Variants in PNKD observed in about 807,000 individuals in gnomAD.
PNKD encodes probable thioesterase PNKD.
In PNKD, 36 loss-of-function variants were observed where a neutral mutation model predicts 45.3. The observed-to-expected ratio is 0.80, with a 90% CI of 0.61 to 1.05. The LOEUF is 1.05. PNKD is among the 50% of genes least tolerant of loss of function. The pLI, the probability that PNKD is intolerant of heterozygous loss-of-function variation, is 0.00. For synonymous variants in PNKD, 197 were observed against 210.1 expected, an observed-to-expected ratio of 0.94 and a Z score of 0.54; for missense variants, 511 against 506.6, an observed-to-expected ratio of 1.01 and a Z score of -0.08.
intron 8 of PNKD, among the ~76,000 whole-genome samples, chr2:218,344,219 G>A (rs541993426): frequency 1.3e-5 from 2 of 152,306 alleles, no homozygotes; most frequent in South Asian, 2.1e-4. Context: ...ATGCAGGCCT[G>A]CCAGCTCCAG....
At chr2:218,282,351 C>G (rs1292813366) in intron 2 of PNKD, 3 of 487,320 alleles carry the variant, frequency 6.2e-6, no homozygotes, top group Non-Finnish European at 1.1e-5. Flanking sequence ...TCCCCACCAA[C>G]TGGGCTCCTG....
At chr2:218,277,408 C>T (rs1028395939) in intron 2 of PNKD, 15 of 1,614,012 alleles carry the variant, frequency 9.3e-6, no homozygotes, top group Non-Finnish European at 1.1e-5. Context: ...TGGATACCAC[C>T]GCAGTGATGA....
intron 2 of PNKD, chr2:218,282,235 G>A (rs1692097900): frequency 4.8e-6 from 5 of 1,047,462 alleles, no homozygotes; most frequent in Non-Finnish European, 6.6e-6. Flanking sequence ...AGCTCACTCA[G>A]CCTCATGGGC....
intron 2 of PNKD, among the ~76,000 whole-genome samples, chr2:218,273,662 T>G (rs890399145): frequency 2.7e-5 from 4 of 148,234 alleles, no homozygotes; most frequent in African/African-American, 9.9e-5. Context: ...TTTTTTTTTT[T>G]GTACTTTTAG....
chr2:218,344,346 T>A, intron 8 of PNKD, 109 bp from the exon 9 acceptor site: 1 of 786,066 alleles, frequency 1.3e-6, no homozygotes. Context: ...GCTGACCTCA[T>A]CCCTAGTTGT....
At chr2:218,304,890 C>A (rs1253270296) in intron 2 of PNKD, among the ~76,000 whole-genome samples, 1 of 152,052 alleles carries the variant, frequency 6.6e-6, no homozygotes, top group African/African-American at 2.4e-5. Context: ...GCCTGGCCAA[C>A]ATGGTGAAAC....
chr2:218,290,858 C>A (rs1424246299), intron 2 of PNKD, among the ~76,000 whole-genome samples: 1 of 152,240 alleles, frequency 6.6e-6, no homozygotes, highest in African/African-American at 2.4e-5. Context: ...GTGTCCCCAA[C>A]AGAATAGGTC....
chr2:218,300,609 G>A lies in PNKD; in HGVS notation c.236+29060G>A, dbSNP rs554442319. 4.5e-3 allele frequency among the ~76,000 whole-genome samples: 673 copies of A among 150,390 alleles called. 7 individuals carry two copies. Among genetic ancestry groups the A allele is most frequent in the African/African-American group, 0.015 (626 of 40,888 alleles). On this transcript the variant is annotated intron_variant, in intron 2 of 9. Coordinates refer to ENST00000273077, the MANE Select transcript of PNKD (RefSeq NM_015488.5). Reference sequence around the variant, plus strand: ...TGCCCAGGCTGGAGTGCAGTGGTGCGATCTCAGCTCACTGCAACCTCCGTC... The same window carrying A: ...TGCCCAGGCTGGAGTGCAGTGGTGCAATCTCAGCTCACTGCAACCTCCGTC...
At chr2:218,320,689 T>G (rs1404340897) in intron 2 of PNKD, among the ~76,000 whole-genome samples, 1 of 152,190 alleles carries the variant, frequency 6.6e-6, no homozygotes, top group Non-Finnish European at 1.5e-5. Flanking sequence ...CACACCCAAT[T>G]TGAGTCTTTG....
chr2:218,323,444 G>A, intron 2 of PNKD: 1 of 1,545,678 alleles, frequency 6.5e-7, no homozygotes, highest in Non-Finnish European at 8.7e-7. Flanking sequence ...TAGTGCCCGG[G>A]CTCCGAAGCG....
chr2:218,323,269 T>C (rs776565425), intron 2 of PNKD: 4 of 1,520,408 alleles, frequency 2.6e-6, no homozygotes, highest in Non-Finnish European at 3.5e-6. Context: ...GCCCCCAGCA[T>C]GGCTTGGCAG....
intron 2 of PNKD, chr2:218,280,151 A>C (rs753001901): frequency 6.4e-7 from 1 of 1,562,830 alleles, no homozygotes; most frequent in Non-Finnish European, 8.8e-7. Flanking sequence ...CACTTGACTC[A>C]GCTGGGGACC....
At chr2:218,292,763 A>AC (rs1160575727) in intron 2 of PNKD, among the ~76,000 whole-genome samples, 3 of 152,174 alleles carry the variant, frequency 2.0e-5, no homozygotes, top group South Asian at 4.1e-4. Flanking sequence ...ATTTCTCTCC[A>AC]CCCCTCCTAG....
intron 2 of PNKD, among the ~76,000 whole-genome samples, chr2:218,308,237 T>A (rs1693478008): frequency 6.7e-6 from 1 of 148,306 alleles, no homozygotes. Flanking sequence ...ATCACTCAGA[T>A]GTGCAGTGGT....
rs1694793274 is a variant in PNKD, at chr2:218,344,999, G to A, written c.*18G>A. On this transcript the variant is annotated 3_prime_UTR_variant, in exon 10 of 10. Transcript: ENST00000273077. ...GCAAGTGATGCCCCCAGCGCCCCCA[G>A]CCCAGCCCACTCCCCGCATGGGGAG... 1.3e-6 allele frequency: 2 copies of A among 1,598,438 alleles called. No individual in the cohort carries two copies. The highest frequency in any genetic ancestry group is 1.7e-6 in the Non-Finnish European group (2 of 1,170,944).
chr2:218,288,678 C>T (rs1692717240), intron 2 of PNKD, among the ~76,000 whole-genome samples: 1 of 152,110 alleles, frequency 6.6e-6, no homozygotes, highest in South Asian at 2.1e-4. Flanking sequence ...ATACATAGCC[C>T]CAAATCCGAA....
At chr2:218,322,920 A>G (rs1299828374) in intron 2 of PNKD, among the ~76,000 whole-genome samples, 3 of 152,228 alleles carry the variant, frequency 2.0e-5, no homozygotes, top group African/African-American at 7.2e-5. Flanking sequence ...AAAGTGTAGC[A>G]GTGCCCTGGA....
At chr2:218,339,061 G>A (rs1390549872) in intron 2 of PNKD, among the ~76,000 whole-genome samples, 1 of 151,880 alleles carries the variant, frequency 6.6e-6, no homozygotes, top group East Asian at 1.9e-4. Context: ...CTCCCAAGGT[G>A]CTGGGATTAC....
At chr2:218,298,797 G>A (rs534314350) in intron 2 of PNKD, among the ~76,000 whole-genome samples, 63 of 152,158 alleles carry the variant, frequency 4.1e-4, no homozygotes, top group African/African-American at 8.4e-4. Context: ...CCCTCTCCTC[G>A]TCCATCTTGG....
Sources: allele counts gnomAD v4.1 joint callset (sites outside exome capture counted in the v4.1 genomes callset), GRCh38; gene constraint gnomAD v4.1.1; transcripts MANE v1.5; gene names NCBI Gene and HGNC (gene_info 2026-07-23, HGNC 2026-07-21).